The following DENND1A variants were observed in gnomAD, a reference collection of about 807,000 sequenced individuals.
DENND1A encodes DENN domain-containing protein 1A.
A neutral mutation model predicts 113.7 loss-of-function variants in DENND1A; 51 were observed. The ratio of observed to expected loss-of-function variants is 0.45; its 90% confidence interval spans 0.36 to 0.57. The LOEUF is 0.57. DENND1A is among the 20% of genes least tolerant of loss of function. DENND1A has a pLI of 0.00. For synonymous variants in DENND1A, 565 were observed against 570.8 expected, an observed-to-expected ratio of 0.99 and a Z score of 0.14; for missense variants, 1,258 against 1,395.9, an observed-to-expected ratio of 0.90 and a Z score of 1.57.
At position 123,543,637 on chromosome 9, in the gene DENND1A, T is replaced by C. The variant is rs1325640183; in HGVS notation, c.993+13933A>G. On this transcript the variant is annotated intron_variant, in intron 13 of 23. Transcript: ENST00000394215. ...ACTCACAGTACCCGACCGTGCCACA[T>C]GCTGTCAAGGCCGCTTGCCTCTGCA... Among the ~76,000 whole-genome samples, 7 of 152,204 alleles carry C rather than the reference T, an allele frequency of 4.6e-5. No individual in the cohort carries two copies. The East Asian group carries it at 1.3e-3, about 29-fold the overall frequency.
intron 8 of DENND1A, among the ~76,000 whole-genome samples, chr9:123,657,493 GAT>G (rs2063017899): frequency 6.6e-6 from 1 of 152,180 alleles, no homozygotes; most frequent in Non-Finnish European, 1.5e-5. Context: ...AGGGAAATGA[GAT>G]AATCCTCAAA....
At chr9:123,851,323 A>C (rs1189676591) in intron 2 of DENND1A, among the ~76,000 whole-genome samples, 4 of 152,216 alleles carry the variant, frequency 2.6e-5, no homozygotes, top group African/African-American at 9.7e-5. Flanking sequence ...CAAGATAATT[A>C]TGTTGAGATC....
chr9:123,802,764 G>A (rs903529041), intron 2 of DENND1A, among the ~76,000 whole-genome samples: 13 of 150,636 alleles, frequency 8.6e-5, no homozygotes, highest in South Asian at 4.2e-4. Flanking sequence ...GTTCAATGGC[G>A]CGATCTCGGC....
chr9:123,592,441 C>T (rs891571980), intron 11 of DENND1A, among the ~76,000 whole-genome samples: 2 of 152,164 alleles, frequency 1.3e-5, no homozygotes, highest in Non-Finnish European at 2.9e-5. Flanking sequence ...ATTTAGACTT[C>T]CTGTGCCTCA....
At chr9:123,562,574 T>C (rs2057820531) in intron 12 of DENND1A, among the ~76,000 whole-genome samples, 1 of 152,178 alleles carries the variant, frequency 6.6e-6, no homozygotes, top group Non-Finnish European at 1.5e-5. Flanking sequence ...ATATATGCAG[T>C]AAAAATCTAA....
chr9:123,895,445 GC>G (rs1271070841), intron 1 of DENND1A, among the ~76,000 whole-genome samples: 1 of 151,572 alleles, frequency 6.6e-6, no homozygotes, highest in African/African-American at 2.4e-5. Flanking sequence ...ACATAGTGAA[GC>G]CCCATCTCTA....
At chr9:123,457,160 T>C (rs2048187247) in intron 15 of DENND1A, among the ~76,000 whole-genome samples, 188 bp downstream of exon 15, 1 of 152,222 alleles carries the variant, frequency 6.6e-6, no homozygotes, top group South Asian at 2.1e-4. Flanking sequence ...GCTGGGCGAC[T>C]TCATATGGGC....
In DENND1A at chr9:123,381,801, G is replaced by A. The variant is rs763318298; in HGVS notation, c.2844C>T (p.Leu948=). The A allele has an allele frequency of 6.6e-7, 1 of 1,517,658 alleles. No individual in the cohort carries two copies. Among genetic ancestry groups the A allele is most frequent in the Non-Finnish European group, 8.8e-7 (1 of 1,132,648 alleles). The allele number at this position is 1,517,658 out of a possible 1,614,324, so 94.0% of individuals were successfully genotyped here. Residue 948 remains leucine, a synonymous_variant, in exon 24 of 24, where the codon CTC becomes CTT. Coordinates refer to ENST00000394215, the MANE Select transcript of DENND1A (RefSeq NM_001352964.2). This position sits in a 1 kb window ranked among gnomAD's most constrained non-coding sequence, Gnocchi z 4.7. ...FCAPHRSQPN[L]SALSMPNLFG... is the part of the protein sequence containing the mutation. ...AGAGGTTGGGCATGGAGAGGGCGGA[G>A]AGGTTGGGCTGAGACCTGTGAGGGG...
chr9:123,786,925 T>TA (rs1015201310), intron 3 of DENND1A, among the ~76,000 whole-genome samples: 55 of 147,608 alleles, frequency 3.7e-4, no homozygotes, highest in South Asian at 3.7e-3. Flanking sequence ...GGAAAAGAAT[T>TA]AAAAAAAAAA....
chr9:123,803,798 T>G lies in DENND1A; in HGVS notation c.89-11168A>C, dbSNP rs191445019. On this transcript the variant is annotated intron_variant, in intron 2 of 23. Transcript: ENST00000394215. The stretch of plus-strand genomic sequence containing the variant: ...ATTTCTCTCCTTTTCTTTGTAGCTA[T>G]ATTCTTTGAAACAGTGTCTATACCC... Among the ~76,000 whole-genome samples, 14 of 152,354 alleles carry G rather than the reference T, an allele frequency of 9.2e-5. No individual in the cohort carries two copies. The East Asian group carries it at 2.1e-3, about 23-fold the overall frequency.
At chr9:123,540,776 T>A (rs981071516) in intron 13 of DENND1A, among the ~76,000 whole-genome samples, 4 of 152,126 alleles carry the variant, frequency 2.6e-5, no homozygotes, top group Non-Finnish European at 4.4e-5. Flanking sequence ...GAATGCAAAG[T>A]CACCACCCTG....
intron 1 of DENND1A, among the ~76,000 whole-genome samples, chr9:123,899,062 AC>A (rs1851201842): frequency 2.0e-5 from 3 of 151,920 alleles, no homozygotes; most frequent in Non-Finnish European, 4.4e-5. Context: ...AAATCTTGAA[AC>A]TCACTTCACT....
intron 13 of DENND1A, among the ~76,000 whole-genome samples, chr9:123,500,631 C>G (rs887888132): frequency 3.3e-5 from 5 of 152,210 alleles, no homozygotes; most frequent in Admixed American, 3.3e-4. Flanking sequence ...CACTTAACAC[C>G]TGCACTGAGA....
At chr9:123,656,026 A>G (rs1186529980) in intron 8 of DENND1A, among the ~76,000 whole-genome samples, 1 of 152,238 alleles carries the variant, frequency 6.6e-6, no homozygotes, top group Non-Finnish European at 1.5e-5. Context: ...AGTATGCAAC[A>G]TACCGTGGTT....
chr9:123,548,790 T>C (rs1213197588), intron 13 of DENND1A, among the ~76,000 whole-genome samples: 1 of 152,224 alleles, frequency 6.6e-6, no homozygotes, highest in Non-Finnish European at 1.5e-5. Flanking sequence ...GTGAACATGA[T>C]GCTACCAAAA....
chr9:123,828,406 G>A (rs55852853), intron 2 of DENND1A, among the ~76,000 whole-genome samples: 11,044 of 151,952 alleles, frequency 0.073, 790 homozygotes, highest in African/African-American at 0.19. Context: ...ACTGTGACTA[G>A]GCCTAACTTG....
chr9:123,836,606 T>C (rs1452392013), intron 2 of DENND1A, among the ~76,000 whole-genome samples: 1 of 152,162 alleles, frequency 6.6e-6, no homozygotes, highest in African/African-American at 2.4e-5. Context: ...AGTCTAAGTT[T>C]TTCATATCTC....
chr9:123,701,319 C>T (rs2065871204), intron 5 of DENND1A, among the ~76,000 whole-genome samples: 2 of 152,150 alleles, frequency 1.3e-5, no homozygotes, highest in East Asian at 3.8e-4. Context: ...CTGGTTATAG[C>T]ACAATAATAA....
At chr9:123,928,522 TCTAA>T in intron 1 of DENND1A, 1 of 978,454 alleles carries the variant, frequency 1.0e-6, no homozygotes. Context: ...GGAGCATGCT[TCTAA>T]CTTTTTTCTC....
Sources: gnomAD v4.1 joint callset for allele counts (sites outside exome capture counted in the v4.1 genomes callset) on GRCh38, gnomAD v4.1.1 for gene constraint, Gnocchi (gnomAD v3.1) non-coding constraint, MANE v1.5 for transcripts, NCBI Gene and HGNC (gene_info 2026-07-23, HGNC 2026-07-21) for gene names.